COL11A2: variants seen among roughly 807,000 people sequenced by gnomAD.
COL11A2 encodes collagen alpha-2(XI) chain.
COL11A2 carries 116 observed loss-of-function variants against 273.4 expected under a neutral mutation model. The observed-to-expected ratio is 0.42, with a 90% confidence interval of 0.36 to 0.49. The LOEUF is 0.49. Among genes scored for constraint, COL11A2 ranks in the 20% least tolerant of loss-of-function variants. The probability of loss-of-function intolerance (pLI) is 0.00; values close to 1 mark genes in which losing one functional copy is unlikely to be tolerated. For synonymous variants in COL11A2, 782 were observed against 864.2 expected, an observed-to-expected ratio of 0.90 and a Z score of 1.67; for missense variants, 1,866 against 2,309.0, an observed-to-expected ratio of 0.81 and a Z score of 3.93.
Position 33,192,148 on chromosome 6 carries a change from A to G in COL11A2, c.82+11T>C. 6.4e-7 allele frequency: 1 copy of G among 1,552,726 alleles called. No homozygotes were observed. The highest frequency in any genetic ancestry group is 1.4e-5 in the African/African-American group (1 of 73,362). On this transcript the variant is annotated intron_variant, in intron 1 of 65. Coordinates refer to ENST00000341947, the MANE Select transcript of COL11A2 (RefSeq NM_080680.3). Reference sequence around the variant, plus strand: ...TGACTCCGAGGACCCAGGCATCAGGACTCCTCTTACCTGCCCAGCCTGGGG... The same window carrying G: ...TGACTCCGAGGACCCAGGCATCAGGGCTCCTCTTACCTGCCCAGCCTGGGG...
rs1769734764 is a variant in COL11A2, at chr6:33,169,550, C to T, written c.3691-60G>A. On this transcript the variant is annotated intron_variant, in intron 50 of 65. Transcript: ENST00000341947. The surrounding 1 kb of genome is among the most constrained non-coding windows in gnomAD (Gnocchi z 5.5). ...GAATCTTGAAGATCAGGGATGCAGC[C>T]TCTGCTTCCGAGACACCTTCAGCCA... 2 of 1,514,818 alleles carry T rather than the reference C, an allele frequency of 1.3e-6. No homozygotes were observed. Among genetic ancestry groups the T allele is most frequent in the African/African-American group, 1.4e-5 (1 of 73,090 alleles). 93.8% of individuals were successfully genotyped at this position (1,514,818 alleles called of 1,614,324 possible). A position where few individuals can be genotyped will look rare whatever the true frequency, so the allele number is the denominator to read the frequency against.
Position 33,174,597 on chromosome 6 carries a change from A to T in COL11A2, c.2377-17T>A. 6.2e-7 allele frequency: 1 copy of T among 1,611,296 alleles called. No homozygotes were observed. Among genetic ancestry groups the T allele is most frequent in the African/African-American group, 1.3e-5 (1 of 74,912 alleles). On this transcript the variant is annotated splice_polypyrimidine_tract_variant and intron_variant, in intron 30 of 65. Coordinates refer to ENST00000341947, the MANE Select transcript of COL11A2 (RefSeq NM_080680.3). ...CAGCTTGCCCTGTGGAGGGACAGGA[A>T]GCAGTTAGGAGTGAGAGGAGGCCCA...
Position 33,173,741 on chromosome 6 carries a change from G to A in COL11A2, c.2588C>T (p.Thr863Ile). The A allele has an allele frequency of 6.3e-7, 1 of 1,590,872 alleles. No homozygotes were observed. Among genetic ancestry groups the A allele is most frequent in the Non-Finnish European group, 8.6e-7 (1 of 1,166,226 alleles). Residue 863 changes from threonine (T) to isoleucine (I), a missense_variant, in exon 35 of 66, where the codon ACA becomes ATA. Coordinates refer to ENST00000341947, the MANE Select transcript of COL11A2 (RefSeq NM_080680.3). This position sits in a 1 kb window ranked among gnomAD's most constrained non-coding sequence, Gnocchi z 6.3. ...GATGKSGAKGTSGGDGPHGPP... is the reference protein window; with the variant it reads ...GATGKSGAKGISGGDGPHGPP... The stretch of plus-strand genomic sequence containing the variant: ...CCCATGGGGGCCATCACCACCAGAT[G>A]TTCCCTGTGGGGGGAAACAGAGTCA...
chr6:33,178,810 G>A lies in COL11A2; in HGVS notation c.1666-78C>T, dbSNP rs1206024881. On this transcript the variant is annotated intron_variant, in intron 17 of 65. Transcript: ENST00000341947. The surrounding 1 kb of genome is among the most constrained non-coding windows in gnomAD (Gnocchi z 4.6). ...CCCTCCCTACTGCACCCTGAGCTGGGGGGGTGCTGATCCTGGGGAAGCCTG... is the reference window on the plus strand; with the variant it reads ...CCCTCCCTACTGCACCCTGAGCTGGAGGGGTGCTGATCCTGGGGAAGCCTG... 3 of 1,603,072 alleles carry A rather than the reference G, an allele frequency of 1.9e-6. No homozygotes were observed. Among genetic ancestry groups the A allele is most frequent in the East Asian group, 2.2e-5 (1 of 44,830 alleles).
At position 33,190,410 on chromosome 6, in the gene COL11A2, T is replaced by C. The variant is rs891007652; in HGVS notation, c.83-941A>G. 3.3e-5 allele frequency among the ~76,000 whole-genome samples: 5 copies of C among 152,080 alleles called. No individual in the cohort carries two copies. The highest frequency in any genetic ancestry group is 1.2e-4 in the African/African-American group (5 of 41,404). On this transcript the variant is annotated intron_variant, in intron 1 of 65. Coordinates refer to ENST00000341947, the MANE Select transcript of COL11A2 (RefSeq NM_080680.3). This position sits in a 1 kb window ranked among gnomAD's most constrained non-coding sequence, Gnocchi z 4.5. ...CAAGATCCAGCCCACCAGCCCTGTC[T>C]AACTAGAACTCAGCTTCCTAGGGCT...
chr6:33,172,184 A>C (rs971943593), intron 40 of COL11A2, 81 bp from the exon 41 acceptor site: 83 of 1,553,932 alleles, frequency 5.3e-5, no homozygotes, highest in Admixed American at 2.3e-4. Flanking sequence ...AGGCTCCAAA[A>C]GATGGAAGTG....
Position 33,167,377 on chromosome 6 carries a change from A to G in COL11A2, c.4122+49T>C, listed in dbSNP as rs752515977. 6.8e-6 allele frequency: 11 copies of G among 1,611,996 alleles called. No individual in the cohort carries two copies. Among genetic ancestry groups the G allele is most frequent in the Non-Finnish European group, 9.3e-6 (11 of 1,179,554 alleles). The stretch of plus-strand genomic sequence containing the variant: ...AGCATCCCCACACTGCACCCCTCCC[A>G]TGGCCCCTCACTCCCACCCCAGCCC... On this transcript the variant is annotated intron_variant, in intron 56 of 65. Coordinates refer to ENST00000341947, the MANE Select transcript of COL11A2 (RefSeq NM_080680.3). This position sits in a 1 kb window ranked among gnomAD's most constrained non-coding sequence, Gnocchi z 6.1.
In COL11A2 at chr6:33,179,821, G is replaced by A. The variant is rs1486477909; in HGVS notation, c.1360-16C>T. The A allele has an allele frequency of 2.5e-6, 4 of 1,605,692 alleles. No homozygotes were observed. In the Admixed American group the frequency reaches 5.0e-5, roughly 20 times the overall value. On this transcript the variant is annotated splice_polypyrimidine_tract_variant and intron_variant, in intron 12 of 65. Transcript: ENST00000341947. The surrounding 1 kb of genome is among the most constrained non-coding windows in gnomAD (Gnocchi z 6.4). ...CAAACCGGAACTGAGGTCAAGGAGAGAAGGTCCAGGTTCTCTTCCAAGAAA... is the reference window on the plus strand; with the variant it reads ...CAAACCGGAACTGAGGTCAAGGAGAAAAGGTCCAGGTTCTCTTCCAAGAAA...
At chr6:33,175,988 T>A in intron 29 of COL11A2, 28 bp downstream of exon 29, 2 of 1,612,670 alleles carry the variant, frequency 1.2e-6, no homozygotes, top group Non-Finnish European at 1.7e-6. Context: ...GAACACGGAA[T>A]TGGGGCCAGT....
At chr6:33,187,799 A>C (rs1772612979) in intron 4 of COL11A2, among the ~76,000 whole-genome samples, 1 of 117,926 alleles carries the variant, frequency 8.5e-6, no homozygotes, top group Admixed American at 1.2e-4. Context: ...TAATGGATAG[A>C]TGGTGGCTGA....
At position 33,178,042 on chromosome 6, in the gene COL11A2, G is replaced by C; in HGVS notation, c.1872+90C>G. ...ACAGGGAATGGGAAGCATGCCGAGA[G>C]AGGAGAGGGAGCAGGAAGGCAGCTA... On this transcript the variant is annotated intron_variant, in intron 21 of 65. Transcript: ENST00000341947. The surrounding 1 kb of genome is among the most constrained non-coding windows in gnomAD (Gnocchi z 4.6). 7.6e-7 allele frequency: 1 copy of C among 1,321,322 alleles called. No individual in the cohort carries two copies. Among genetic ancestry groups the C allele is most frequent in the Non-Finnish European group, 1.1e-6 (1 of 936,800 alleles). 81.8% of individuals were successfully genotyped at this position (1,321,322 alleles called of 1,614,324 possible). A position where few individuals can be genotyped will look rare whatever the true frequency, so the allele number is the denominator to read the frequency against.
rs1768842462 is a variant in COL11A2 at position 33,164,707 on chromosome 6, GAAGA to G, written c.4863+141_4863+144del. On this transcript the variant is annotated intron_variant, in intron 64 of 65. Coordinates refer to ENST00000341947, the MANE Select transcript of COL11A2 (RefSeq NM_080680.3). This position sits in a 1 kb window ranked among gnomAD's most constrained non-coding sequence, Gnocchi z 4.7. ...ATCAGAGGACCGGTGAAAAGGAAAA[GAAGA>G]AAGAGCTAAGAAGTGGAGAAGGGGT... The G allele has an allele frequency of 4.0e-6, 3 of 746,236 alleles. No homozygotes were observed. The highest frequency in any genetic ancestry group is 1.8e-5 in the South Asian group (1 of 56,880). 46.2% of individuals were successfully genotyped at this position (746,236 alleles called of 1,614,324 possible).
Position 33,192,295 on chromosome 6 carries a change from G to C in COL11A2, c.-55C>G, listed in dbSNP as rs1773229025. On this transcript the variant is annotated 5_prime_UTR_variant, in exon 1 of 66. The change creates a new upstream start codon in the 5' untranslated region. Coordinates refer to ENST00000341947, the MANE Select transcript of COL11A2 (RefSeq NM_080680.3). ...GGACCCAGGTCGGCCTGAGACGCTGGATGCCCTGAGGCTGACAGAAGACAG... is the reference window on the plus strand; with the variant it reads ...GGACCCAGGTCGGCCTGAGACGCTGCATGCCCTGAGGCTGACAGAAGACAG... 1.1e-5 allele frequency: 17 copies of C among 1,495,098 alleles called. No individual in the cohort carries two copies. In the South Asian group the frequency reaches 1.9e-4, roughly 17 times the overall value. The allele number at this position is 1,495,098 out of a possible 1,614,324, so 92.6% of individuals were successfully genotyped here.
At chr6:33,180,559 C>A in intron 11 of COL11A2, 109 bp downstream of exon 11, 1 of 1,103,504 alleles carries the variant, frequency 9.1e-7, no homozygotes. Flanking sequence ...ACCATCCCCT[C>A]ATTCATTAAC....
At chr6:33,181,469 G>C (rs1034505547) in intron 8 of COL11A2, among the ~76,000 whole-genome samples, 1 of 151,976 alleles carries the variant, frequency 6.6e-6, no homozygotes, top group African/African-American at 2.4e-5. Context: ...GTTTTTGTTT[G>C]TTTGTTTGTT....
rs2150517917 is a variant in COL11A2, at chr6:33,165,796, G to C, written c.4503C>G (p.Ile1501Met). The change falls in exon 63 of 66, where the codon ATC becomes ATG. Residue 1501 changes from isoleucine to methionine, a missense_variant. Ile to Met is a conservative substitution (Grantham distance 10). Transcript: ENST00000341947. The surrounding 1 kb of genome is among the most constrained non-coding windows in gnomAD (Gnocchi z 7.7). The part of the protein sequence containing the change: ...PGHPGPPGEV[I>M]QPLPIQMPKK... ...TGGGCATCTGAATGGGCAGTGGCTG[G>C]ATCACCTCGCCTGGGGGACCCTGGG... 1 of 1,613,502 alleles carries C rather than the reference G, an allele frequency of 6.2e-7. No individual in the cohort carries two copies. The highest frequency in any genetic ancestry group is 1.3e-5 in the African/African-American group (1 of 75,044).
Position 33,179,591 on chromosome 6 carries a change from C to T in COL11A2, c.1447-104G>A. 6.9e-7 allele frequency: 1 copy of T among 1,443,362 alleles called. No homozygotes were observed. Among genetic ancestry groups the T allele is most frequent in the Admixed American group, 2.0e-5 (1 of 51,122 alleles). The allele number at this position is 1,443,362 out of a possible 1,614,324, so 89.4% of individuals were successfully genotyped here. A position where few individuals can be genotyped will look rare whatever the true frequency, so the allele number is the denominator to read the frequency against. ...TCCTCTCCTGATCCTCATCCACTGC[C>T]CAGGATTCTCCCCAACCTCCCTGTT... On this transcript the variant is annotated intron_variant, in intron 13 of 65. Transcript: ENST00000341947. The surrounding 1 kb of genome is among the most constrained non-coding windows in gnomAD (Gnocchi z 6.4).
chr6:33,166,959 G>T lies in COL11A2; in HGVS notation c.4230+111C>A. ...GGCCCTCACTGAGCAGGGACTCCCT[G>T]GGACTGGCTGCCGGAGGCCTGAAGC... On this transcript the variant is annotated intron_variant, in intron 58 of 65. Transcript: ENST00000341947. This position sits in a 1 kb window ranked among gnomAD's most constrained non-coding sequence, Gnocchi z 4.8. The T allele has an allele frequency of 6.5e-7, 1 of 1,538,966 alleles. No homozygotes were observed.
chr6:33,188,309 G>A (rs1216187429), intron 4 of COL11A2, 53 bp downstream of exon 4: 43 of 1,605,280 alleles, frequency 2.7e-5, no homozygotes, highest in Non-Finnish European at 3.4e-5. Flanking sequence ...GAAGGGTAGT[G>A]GGCACAAGAT....
Sources: gnomAD v4.1 joint callset for allele counts (sites outside exome capture counted in the v4.1 genomes callset) on GRCh38, gnomAD v4.1.1 for gene constraint, Gnocchi (gnomAD v3.1) non-coding constraint, MANE v1.5 for transcripts, NCBI Gene and HGNC (gene_info 2026-07-23, HGNC 2026-07-21) for gene names.